The following HOOK2 variants were observed in gnomAD, a reference collection of about 807,000 sequenced individuals.
The protein encoded by HOOK2 is hook microtubule tethering protein 2, also known as protein Hook homolog 2.
A neutral mutation model predicts 111.9 loss-of-function variants in HOOK2; 108 were observed. The observed-to-expected ratio is 0.96, with a 90% CI of 0.83 to 1.13. The LOEUF (loss-of-function observed/expected upper bound fraction) is 1.13. HOOK2 is among the 50% of genes most tolerant of loss of function. HOOK2 has a pLI of 0.00. For synonymous variants in HOOK2, 405 were observed against 394.3 expected, an observed-to-expected ratio of 1.03 and a Z score of -0.32; for missense variants, 978 against 951.3, an observed-to-expected ratio of 1.03 and a Z score of -0.37.
In HOOK2 at chr19:12,791,165, G is replaced by C. The variant is rs1428098654; in HGVS notation, n.42-16940C>G. 6.6e-6 allele frequency among the ~76,000 whole-genome samples: 1 copy of C among 152,140 alleles called. No individual in the cohort carries two copies. Among genetic ancestry groups the C allele is most frequent in the African/African-American group, 2.4e-5 (1 of 41,410 alleles). Reference sequence around the variant, plus strand: ...CCCCACTTGCTGCGTACCAGGTCCTGGTATTTGTCCCAGTGGACTCCAGGG... The same window carrying C: ...CCCCACTTGCTGCGTACCAGGTCCTCGTATTTGTCCCAGTGGACTCCAGGG... On this transcript the variant is annotated intron_variant and non_coding_transcript_variant, in intron 3 of 3. Coordinates refer to the HOOK2 transcript ENST00000589765. This position sits in a 1 kb window ranked among gnomAD's most constrained non-coding sequence, Gnocchi z 7.0.
intron 3 of HOOK2, among the ~76,000 whole-genome samples, chr19:12,787,654 A>C (rs1249823872): frequency 6.6e-6 from 1 of 151,538 alleles, no homozygotes; most frequent in Non-Finnish European, 1.5e-5. Context: ...CAAAACAAAC[A>C]ATAAAAAAAA....
At chr19:12,765,210 C>T (rs986916025) in intron 18 of HOOK2, 129 bp from the exon 19 acceptor site, 3 of 865,976 alleles carry the variant, frequency 3.5e-6, no homozygotes, top group Non-Finnish European at 3.7e-6. Context: ...CTCTGCCTGC[C>T]CCTCATGCCT....
chr19:12,782,681 G>A (rs796997101), upstream of HOOK2, among the ~76,000 whole-genome samples: 1 of 152,124 alleles, frequency 6.6e-6, no homozygotes, highest in African/African-American at 2.4e-5. Context: ...GCGGGGGCTG[G>A]GCGAGCGGAG....
chr19:12,763,130 CGCCCTCCCT>C lies in HOOK2; in HGVS notation c.*143_*151del. The C allele has an allele frequency of 1.9e-6, 1 of 521,458 alleles. No homozygotes were observed. The highest frequency in any genetic ancestry group is 3.4e-6 in the Non-Finnish European group (1 of 292,406). 32.3% of individuals were successfully genotyped at this position (521,458 alleles called of 1,614,324 possible). ...AAAGAACAGGCCTATATCTACCTCC[CGCCCTCCCT>C]CCCCACCAATCTGGGAGAGGGAAGA... On this transcript the variant is annotated 3_prime_UTR_variant, in exon 23 of 23. Coordinates refer to ENST00000397668, the MANE Select transcript of HOOK2 (RefSeq NM_013312.3).
intron 11 of HOOK2, 69 bp from the exon 12 acceptor site, chr19:12,768,192 G>A (rs1968214674): frequency 1.5e-5 from 19 of 1,241,810 alleles, no homozygotes; most frequent in Non-Finnish European, 2.2e-5. Context: ...AGTACAAATG[G>A]TCCCCGATCC....
At chr19:12,766,419 G>C in intron 14 of HOOK2, 179 bp from the exon 15 acceptor site, 1 of 717,508 alleles carries the variant, frequency 1.4e-6, no homozygotes, top group Non-Finnish European at 2.2e-6. Context: ...GGTTAAAGTG[G>C]ACGGAGCTCT....
chr19:12,770,125 C>T, intron 10 of HOOK2, 43 bp from the exon 11 acceptor site: 1 of 1,433,216 alleles, frequency 7.0e-7, no homozygotes. Flanking sequence ...GAGCTCTGAT[C>T]AGGGGTCAGC....
rs1417455279 is a variant in HOOK2, at chr19:12,790,517, C to A, written n.42-16292G>T. Reference sequence around the variant, plus strand: ...GAGAATACAGATGACTAAGAGGTTACCATCGAGGGGGAGCAGCAGTCGTGG... The same window carrying A: ...GAGAATACAGATGACTAAGAGGTTAACATCGAGGGGGAGCAGCAGTCGTGG... On this transcript the variant is annotated intron_variant and non_coding_transcript_variant, in intron 3 of 3. Coordinates refer to the HOOK2 transcript ENST00000589765. The surrounding 1 kb of genome is among the most constrained non-coding windows in gnomAD (Gnocchi z 7.2). Among the ~76,000 whole-genome samples, 1 of 152,164 alleles carries A rather than the reference C, an allele frequency of 6.6e-6. No homozygotes were observed. Among genetic ancestry groups the A allele is most frequent in the African/African-American group, 2.4e-5 (1 of 41,432 alleles).
In HOOK2 at chr19:12,790,440, G is replaced by A. The variant is rs1431103877; in HGVS notation, n.42-16215C>T. On this transcript the variant is annotated intron_variant and non_coding_transcript_variant, in intron 3 of 3. Transcript: ENST00000589765. This position sits in a 1 kb window ranked among gnomAD's most constrained non-coding sequence, Gnocchi z 7.2. The stretch of plus-strand genomic sequence containing the variant: ...GGGTCCAGGCTCTAGGAGCCGACAC[G>A]GTGTTGGGCAAAGCCCAGGGTCAAT... Among the ~76,000 whole-genome samples, 1 of 152,264 alleles carries A rather than the reference G, an allele frequency of 6.6e-6. No homozygotes were observed. Among genetic ancestry groups the A allele is most frequent in the Non-Finnish European group, 1.5e-5 (1 of 68,044 alleles).
rs560337951 is a variant in HOOK2 at position 12,774,594 on chromosome 19, G to C, written c.204+75C>G. 5 of 1,378,680 alleles carry C rather than the reference G, an allele frequency of 3.6e-6. No individual in the cohort carries two copies. The Admixed American group carries it at 5.0e-5, about 14-fold the overall frequency. 85.4% of individuals were successfully genotyped at this position (1,378,680 alleles called of 1,614,324 possible). On this transcript the variant is annotated intron_variant, in intron 3 of 22. Coordinates refer to ENST00000397668, the MANE Select transcript of HOOK2 (RefSeq NM_013312.3). ...TGTCCCTCTTCCTGCCCATCACCCAGGACATGTGCCTAGCTGGCCCGTCCC... is the reference window on the plus strand; with the variant it reads ...TGTCCCTCTTCCTGCCCATCACCCACGACATGTGCCTAGCTGGCCCGTCCC...
chr19:12,763,679 G>A lies in HOOK2; in HGVS notation c.1927C>T (p.Arg643Ter), dbSNP rs898276247. 14 of 1,614,126 alleles carry A rather than the reference G, an allele frequency of 8.7e-6. No individual in the cohort carries two copies. Among genetic ancestry groups the A allele is most frequent in the African/African-American group, 2.7e-5 (2 of 75,056 alleles). The change falls in exon 21 of 23, where the codon CGA (arginine) becomes TGA (stop). Residue 643 changes from arginine to a stop codon, truncating the protein, a stop_gained. Coordinates refer to ENST00000397668, the MANE Select transcript of HOOK2 (RefSeq NM_013312.3). LOFTEE classifies it high-confidence loss of function. ...TQLRERDVRI[R>*]HLEMDFEKSR... ...ACGAGGACACCCACCTCCAGGTGTC[G>A]GATGCGGACATCCCGTTCTCGGAGC...
At position 12,770,035 on chromosome 19, in the gene HOOK2, C is replaced by T. The variant is rs1305705551; in HGVS notation, c.950G>A (p.Cys317Tyr). 1 of 1,540,338 alleles carries T rather than the reference C, an allele frequency of 6.5e-7. No individual in the cohort carries two copies. The highest frequency in any genetic ancestry group is 1.4e-5 in the African/African-American group (1 of 72,922). Reference protein sequence around the residue: ...AGQLEATLTSCRRRLGELREL... With the variant: ...AGQLEATLTSYRRRLGELREL... ...CCTCAGCTCGCCCAAGCGGCGCCGG[C>T]AACTGGTCAGCGTGGCCTCCAGCTG... The change falls in exon 11 of 23, where the codon TGC (cysteine) becomes TAC (tyrosine). Residue 317 changes from cysteine (C) to tyrosine (Y), a missense_variant. Physicochemically the swap from Cys to Tyr is radical, Grantham distance 194. Around this residue, in one of 5 missense-constraint regions of HOOK2, gnomAD observed 388 missense variants for 358.3 expected, o/e 1.08. Coordinates refer to ENST00000397668, the MANE Select transcript of HOOK2 (RefSeq NM_013312.3).
rs1195781921 is a variant in HOOK2 at position 12,790,687 on chromosome 19, G to T, written n.42-16462C>A. Among the ~76,000 whole-genome samples, 1 of 144,996 alleles carries T rather than the reference G, an allele frequency of 6.9e-6. No individual in the cohort carries two copies. The highest frequency in any genetic ancestry group is 1.5e-5 in the Non-Finnish European group (1 of 67,998). ...TCATCCGGGCTAGCAGATGACCCCA[G>T]TGGTCCCCAATTTCTGGCAGACATG... On this transcript the variant is annotated intron_variant and non_coding_transcript_variant, in intron 3 of 3. Transcript: ENST00000589765. The surrounding 1 kb of genome is among the most constrained non-coding windows in gnomAD (Gnocchi z 7.2).
upstream of HOOK2, among the ~76,000 whole-genome samples, chr19:12,776,567 T>C (rs566089542): frequency 1.3e-5 from 2 of 150,028 alleles, no homozygotes; most frequent in Non-Finnish European, 3.0e-5. Flanking sequence ...TGATTTCAGC[T>C]ACTCGGGAGG....
intron 3 of HOOK2, chr19:12,773,362 A>C (rs1968396257): frequency 3.2e-6 from 1 of 310,600 alleles, no homozygotes; most frequent in Non-Finnish European, 6.0e-6. Context: ...CAATCCTCCT[A>C]TCTCTGCCTC....
chr19:12,764,139 C>G (rs755930401), intron 20 of HOOK2, among the ~76,000 whole-genome samples: 2 of 146,394 alleles, frequency 1.4e-5, no homozygotes, highest in African/African-American at 2.5e-5. Flanking sequence ...CTCAGCCTCC[C>G]GAGTAGCTGG....
intron 3 of HOOK2, among the ~76,000 whole-genome samples, chr19:12,789,813 C>T (rs1271661338): frequency 6.6e-6 from 1 of 151,614 alleles, no homozygotes; most frequent in Non-Finnish European, 1.5e-5. Flanking sequence ...CGTGGGGGCC[C>T]CGGGGGCGGC....
Position 12,765,078 on chromosome 19 carries a change from C to G in HOOK2, c.1644G>C (p.Gln548His). ...ACTCCAGATCTGCCTCATGAAGCTT[C>G]TGCCTGTGGGCCGGGGATGAGCAGC... ...LLKRKLEEHL[Q>H]KLHEADLELQ... The change falls in exon 19 of 23, where the codon CAG becomes CAC. Residue 548 changes from glutamine (Q) to histidine (H), a missense_variant. Physicochemically the swap from Gln to His is conservative, Grantham distance 24. This residue lies in a region of HOOK2 where 277 missense variants were observed against 265.8 expected (regional missense o/e 1.04). Coordinates refer to ENST00000397668, the MANE Select transcript of HOOK2 (RefSeq NM_013312.3). 6.2e-7 allele frequency: 1 copy of G among 1,614,182 alleles called. No homozygotes were observed.
At chr19:12,773,768 C>A (rs1016007639) in intron 3 of HOOK2, among the ~76,000 whole-genome samples, 1 of 152,186 alleles carries the variant, frequency 6.6e-6, no homozygotes, top group Admixed American at 6.5e-5. Flanking sequence ...CTGCTAAAAC[C>A]CTGCCTTGAC....
Sources: gnomAD v4.1 joint callset for allele counts (sites outside exome capture counted in the v4.1 genomes callset) on GRCh38, gnomAD v4.1.1 for gene constraint, gnomAD v4.1.1 regional missense constraint, Gnocchi (gnomAD v3.1) non-coding constraint, MANE v1.5 for transcripts, NCBI Gene and HGNC (gene_info 2026-07-23, HGNC 2026-07-21) for gene names.